The following LEFTY2 variants were observed in gnomAD, a reference collection of about 807,000 sequenced individuals.
LEFTY2 encodes the protein left-right determination factor 2, also known as TGF-beta-4.
Under a neutral mutation model 26.4 loss-of-function variants are expected in LEFTY2, and 10 were observed. That is an observed-to-expected ratio of 0.38 (90% CI 0.23 to 0.64). The LOEUF is 0.64. Among genes scored for constraint, LEFTY2 ranks in the 30% least tolerant of loss-of-function variants. LEFTY2 has a pLI of 0.56. For missense variants in LEFTY2, 407 were observed against 502.1 expected, an observed-to-expected ratio of 0.81 and a Z score of 1.81; for synonymous variants, 204 against 234.1, an observed-to-expected ratio of 0.87 and a Z score of 1.17.
At position 225,940,930 on chromosome 1, in the gene LEFTY2, C is replaced by T. The variant is rs755657173; in HGVS notation, c.211G>A (p.Asp71Asn). The change falls in exon 1 of 4, where the codon GAC (aspartate) becomes AAC (asparagine). Residue 71 changes from aspartate to asparagine, a missense_variant. Physicochemically the swap from Asp to Asn is conservative, Grantham distance 23. Transcript: ENST00000366820. Reference sequence around the variant, plus strand: ...CTGAACCTCTTTCCGCGGGAGCGGTCCCCGTGGCTGCGCCGCAGCAGGACT... The same window carrying T: ...CTGAACCTCTTTCCGCGGGAGCGGTTCCCGTGGCTGCGCCGCAGCAGGACT... Reference protein sequence around the residue: ...YVVLLRRSHGDRSRGKRFSQS... With the variant: ...YVVLLRRSHGNRSRGKRFSQS... The T allele has an allele frequency of 6.2e-7, 1 of 1,613,578 alleles. No homozygotes were observed. Among genetic ancestry groups the T allele is most frequent in the Admixed American group, 1.7e-5 (1 of 60,010 alleles).
chr1:225,938,816 G>A lies in LEFTY2; in HGVS notation c.737+545C>T, dbSNP rs566195528. Among the ~76,000 whole-genome samples, 120 of 151,268 alleles carry A rather than the reference G, an allele frequency of 7.9e-4. 1 individual carries two copies. The highest frequency in any genetic ancestry group is 3.2e-3 in the Admixed American group (49 of 15,182). ...TGGGATTACAGGCATGAGCCACTGC[G>A]CCTGGCCTGAATAATATAATATTTC... On this transcript the variant is annotated intron_variant, in intron 3 of 3. Coordinates refer to ENST00000366820, the MANE Select transcript of LEFTY2 (RefSeq NM_003240.5).
At position 225,941,089 on chromosome 1, in the gene LEFTY2, G is replaced by A; in HGVS notation, c.52C>T (p.Pro18Ser). ...TGCTCCTCGGTCAGGGCCGCCCCGGGGCCAGCCAGGGGCAGCACCCAGAGT... is the reference window on the plus strand; with the variant it reads ...TGCTCCTCGGTCAGGGCCGCCCCGGAGCCAGCCAGGGGCAGCACCCAGAGT... ...WALWVLPLAG[P>S]GAALTEEQLL... Residue 18 changes from proline (P) to serine (S), a missense_variant, in exon 1 of 4, where the codon CCC becomes TCC. Pro to Ser is a moderately conservative substitution (Grantham distance 74). Coordinates refer to ENST00000366820, the MANE Select transcript of LEFTY2 (RefSeq NM_003240.5). 1.9e-6 allele frequency: 3 copies of A among 1,595,232 alleles called. No individual in the cohort carries two copies. Among genetic ancestry groups the A allele is most frequent in the Non-Finnish European group, 2.6e-6 (3 of 1,171,250 alleles).
Position 225,939,455 on chromosome 1 carries a change from C to T in LEFTY2, c.643G>A (p.Ala215Thr). Residue 215 changes from alanine to threonine, a missense_variant, in exon 3 of 4, where the codon GCC becomes ACC. By Grantham distance (58) the Ala-to-Thr change is moderately conservative. Transcript: ENST00000366820. The surrounding 1 kb of genome is among the most constrained non-coding windows in gnomAD (Gnocchi z 4.1). ...REHLGPLASG[A>T]HKLVRFASQG... ...GAGGCAAAGCGGACCAGCTTGTGGG[C>T]GCCGGACGCCAGCGGGCCCAGATGC... 6.2e-7 allele frequency: 1 copy of T among 1,610,474 alleles called. No individual in the cohort carries two copies. Among genetic ancestry groups the T allele is most frequent in the Non-Finnish European group, 8.5e-7 (1 of 1,179,024 alleles).
intron 3 of LEFTY2, 118 bp from the exon 4 acceptor site, chr1:225,937,922 C>A: frequency 7.7e-7 from 1 of 1,298,882 alleles, no homozygotes. Flanking sequence ...TCACTATGTT[C>A]TAAAAGCTGG....
At position 225,941,106 on chromosome 1, in the gene LEFTY2, A is replaced by C; in HGVS notation, c.35T>G (p.Val12Gly). The change falls in exon 1 of 4, where the codon GTG becomes GGG. Residue 12 changes from valine to glycine, a missense_variant. Physicochemically the swap from Val to Gly is moderately radical, Grantham distance 109. Coordinates refer to ENST00000366820, the MANE Select transcript of LEFTY2 (RefSeq NM_003240.5). ...WPLWLCWALWVLPLAGPGAAL... is the reference protein window; with the variant it reads ...WPLWLCWALWGLPLAGPGAAL... ...CGCCCCGGGGCCAGCCAGGGGCAGC[A>C]CCCAGAGTGCCCAGCAGAGCCACAG... The C allele has an allele frequency of 1.9e-6, 3 of 1,585,600 alleles. No homozygotes were observed. The highest frequency in any genetic ancestry group is 2.6e-6 in the Non-Finnish European group (3 of 1,166,832).
chr1:225,939,680 C>T lies in LEFTY2; in HGVS notation c.497+76G>A, dbSNP rs1186948532. The T allele has an allele frequency of 8.7e-6, 14 of 1,610,184 alleles. No individual in the cohort carries two copies. Among genetic ancestry groups the T allele is most frequent in the Non-Finnish European group, 5.9e-6 (7 of 1,179,012 alleles). ...GGGACGGGCCCCGAGGACCCTGCACCGCCCCCTGCGTCCCCGCCCCCAAGC... is the reference window on the plus strand; with the variant it reads ...GGGACGGGCCCCGAGGACCCTGCACTGCCCCCTGCGTCCCCGCCCCCAAGC... On this transcript the variant is annotated intron_variant, in intron 2 of 3. Transcript: ENST00000366820. This position sits in a 1 kb window ranked among gnomAD's most constrained non-coding sequence, Gnocchi z 4.1.
In LEFTY2 at chr1:225,937,685, G is replaced by A. The variant is rs2295418; in HGVS notation, c.857C>T (p.Pro286Leu). 0.038 allele frequency: 60,647 copies of A among 1,613,636 alleles called. 1,509 individuals are homozygous for A. The highest frequency in any genetic ancestry group is 0.12 in the East Asian group (5,446 of 44,858). Residue 286 changes from proline to leucine, a missense_variant, in exon 4 of 4, where the codon CCG (proline) becomes CTG (leucine). Pro to Leu is a moderately conservative substitution (Grantham distance 98, BLOSUM62 -3). Transcript: ENST00000366820. ...KWAKNWVLEP[P>L]GFLAYECVGT... ...CACACACTCGTAAGCCAGGAAGCCC[G>A]GGGGCTCCAGCACCCAGTTCTTGGC...
chr1:225,938,325 A>AT (rs1231471020), intron 3 of LEFTY2, among the ~76,000 whole-genome samples: 2 of 152,270 alleles, frequency 1.3e-5, no homozygotes, highest in Non-Finnish European at 2.9e-5. Flanking sequence ...TAAAGCTAGG[A>AT]TTTTTCAAAG....
At chr1:225,940,839 C>T in intron 1 of LEFTY2, 52 bp downstream of exon 1, 1 of 1,611,748 alleles carries the variant, frequency 6.2e-7, no homozygotes, top group East Asian at 2.2e-5. Context: ...GTGGGCACAA[C>T]CGGCCTGCCC....
Position 225,939,672 on chromosome 1 carries a change from C to T in LEFTY2, c.498-72G>A, listed in dbSNP as rs1159726753. 58 of 1,610,710 alleles carry T rather than the reference C, an allele frequency of 3.6e-5. No individual in the cohort carries two copies. The highest frequency in any genetic ancestry group is 4.6e-5 in the Non-Finnish European group (54 of 1,179,230). On this transcript the variant is annotated intron_variant, in intron 2 of 3. Transcript: ENST00000366820. This position sits in a 1 kb window ranked among gnomAD's most constrained non-coding sequence, Gnocchi z 4.1. Reference sequence around the variant, plus strand: ...CGGGGACTGGGACGGGCCCCGAGGACCCTGCACCGCCCCCTGCGTCCCCGC... The same window carrying T: ...CGGGGACTGGGACGGGCCCCGAGGATCCTGCACCGCCCCCTGCGTCCCCGC...
In LEFTY2 at chr1:225,939,397, T is replaced by C. The variant is rs1315103822; in HGVS notation, c.701A>G (p.Gln234Arg). The change falls in exon 3 of 4, where the codon CAG becomes CGG. Residue 234 changes from glutamine (Q) to arginine (R), a missense_variant. Physicochemically the swap from Gln to Arg is conservative, Grantham distance 43 (BLOSUM62 1). Coordinates refer to ENST00000366820, the MANE Select transcript of LEFTY2 (RefSeq NM_003240.5). This position sits in a 1 kb window ranked among gnomAD's most constrained non-coding sequence, Gnocchi z 4.1. The stretch of plus-strand genomic sequence containing the variant: ...GAGGTCCAGGGTGTGCAGCTCCAGC[T>C]GGGGCTCCCCAAGCCCGGCTGGCGC... ...QGAPAGLGEP[Q>R]LELHTLDLRD... The C allele has an allele frequency of 6.2e-7, 1 of 1,613,320 alleles. No individual in the cohort carries two copies. The highest frequency in any genetic ancestry group is 1.1e-5 in the South Asian group (1 of 91,044).
In LEFTY2 at chr1:225,937,729, G is replaced by T. The variant is rs763928668; in HGVS notation, c.813C>A (p.Asp271Glu). 1 of 1,612,424 alleles carries T rather than the reference G, an allele frequency of 6.2e-7. No individual in the cohort carries two copies. Among genetic ancestry groups the T allele is most frequent in the Admixed American group, 1.7e-5 (1 of 59,964 alleles). ...TCTTGGCCCACTTCATCCCCTGCAG[G>T]TCAATGTACATCTCCTGGCGGCAGC... ...TRCCRQEMYI[D>E]LQGMKWAKNW... The change falls in exon 4 of 4, where the codon GAC becomes GAA. Residue 271 changes from aspartate to glutamate, a missense_variant. By Grantham distance (45) the Asp-to-Glu change is conservative. Coordinates refer to ENST00000366820, the MANE Select transcript of LEFTY2 (RefSeq NM_003240.5).
intron 3 of LEFTY2, among the ~76,000 whole-genome samples, chr1:225,938,744 C>G (rs1672218653): frequency 6.6e-6 from 1 of 151,520 alleles, no homozygotes; most frequent in Non-Finnish European, 1.5e-5. Flanking sequence ...AGGCTGGTGT[C>G]AAACTCCTGG....
At chr1:225,940,456 T>G (rs1192877724) in intron 1 of LEFTY2, among the ~76,000 whole-genome samples, 1 of 152,200 alleles carries the variant, frequency 6.6e-6, no homozygotes, top group Non-Finnish European at 1.5e-5. Context: ...GGCGAAGACA[T>G]AGTCATACCC....
rs181651384 is a variant in LEFTY2 at position 225,939,923 on chromosome 1, G to A, written c.330C>T (p.Asn110=). Residue 110 remains asparagine, a synonymous_variant, in exon 2 of 4, where the codon AAC becomes AAT. Transcript: ENST00000366820. The surrounding 1 kb of genome is among the most constrained non-coding windows in gnomAD (Gnocchi z 4.1). ...GCAGCACGGCCTGCACCAGCTCGCTGTTGGGCGGCAGCCGCTGCTCCATGC... is the reference window on the plus strand; with the variant it reads ...GCAGCACGGCCTGCACCAGCTCGCTATTGGGCGGCAGCCGCTGCTCCATGC... ...VFGMEQRLPP[N]SELVQAVLRL... is the part of the protein sequence containing the mutation. 926 of 1,585,144 alleles carry A rather than the reference G, an allele frequency of 5.8e-4. 6 individuals carry two copies. The African/African-American group carries it at 0.011, about 19-fold the overall frequency.
chr1:225,938,959 C>T (rs552634573), intron 3 of LEFTY2, among the ~76,000 whole-genome samples: 1 of 145,968 alleles, frequency 6.9e-6, no homozygotes, highest in African/African-American at 2.5e-5. Flanking sequence ...GCAACCTTCA[C>T]CTCCCGGATT....
chr1:225,940,634 C>T (rs539447360), intron 1 of LEFTY2, among the ~76,000 whole-genome samples: 1 of 152,280 alleles, frequency 6.6e-6, no homozygotes, highest in East Asian at 1.9e-4. Flanking sequence ...CTCCTCTACC[C>T]TCCCCTTCTC....
In LEFTY2 at chr1:225,939,274, C is replaced by G; in HGVS notation, c.737+87G>C. ...TCTCCCTACCCCTAGCCCACCGCCA[C>G]CATCCGGTCCCCCAGACAGTCCTGG... On this transcript the variant is annotated intron_variant, in intron 3 of 3. Transcript: ENST00000366820. The surrounding 1 kb of genome is among the most constrained non-coding windows in gnomAD (Gnocchi z 4.1). The G allele has an allele frequency of 6.3e-7, 1 of 1,588,856 alleles. No individual in the cohort carries two copies. The highest frequency in any genetic ancestry group is 1.3e-5 in the African/African-American group (1 of 74,242).
At chr1:225,940,516 C>T (rs1353674270) in intron 1 of LEFTY2, among the ~76,000 whole-genome samples, 7 of 152,246 alleles carry the variant, frequency 4.6e-5, no homozygotes, top group Non-Finnish European at 8.8e-5. Context: ...GCCATTTACT[C>T]AAGGTCAGGC....
Sources: gnomAD v4.1 joint callset for allele counts (sites outside exome capture counted in the v4.1 genomes callset) on GRCh38, gnomAD v4.1.1 for gene constraint, Gnocchi (gnomAD v3.1) non-coding constraint, MANE v1.5 for transcripts, NCBI Gene and HGNC (gene_info 2026-07-23, HGNC 2026-07-21) for gene names.